Variants in AGMO observed in about 807,000 individuals in gnomAD.
The protein encoded by AGMO is alkylglycerol monooxygenase.
In AGMO, 75 loss-of-function variants were observed where a neutral mutation model predicts 60.2. The ratio of observed to expected loss-of-function variants is 1.25; its 90% CI spans 1.03 to 1.51. The LOEUF (loss-of-function observed/expected upper bound fraction) is 1.51. Ranked by LOEUF, AGMO falls within the 40% of genes most tolerant of loss-of-function variation. The pLI, the probability that AGMO is intolerant of heterozygous loss-of-function variation, is 0.00. For missense variants in AGMO, 763 were observed against 525.5 expected (o/e 1.45, Z -4.42); for synonymous variants, 261 against 177.1 (o/e 1.47, Z -3.76).
the AGMO span, among the ~76,000 whole-genome samples, chr7:15,118,868 A>G: frequency 7.6e-6 from 1 of 131,998 alleles, no homozygotes; most frequent in African/African-American, 2.8e-5. Context: ...TAATTCCCAG[A>G]CGTCAGTATT....
intron 12 of AGMO, among the ~76,000 whole-genome samples, chr7:15,354,796 C>G (rs1583448138): frequency 6.6e-6 from 1 of 151,164 alleles, no homozygotes; most frequent in Admixed American, 6.6e-5. Context: ...ACGTTTTACG[C>G]TATTCCCTGA....
At chr7:15,262,688 G>A (rs1195792593) in intron 12 of AGMO, among the ~76,000 whole-genome samples, 2 of 151,888 alleles carry the variant, frequency 1.3e-5, no homozygotes, top group East Asian at 1.9e-4. Context: ...AAATCTGGAG[G>A]CATCACTTTA....
At chr7:15,380,812 T>C (rs983212234) in intron 10 of AGMO, among the ~76,000 whole-genome samples, 2 of 152,148 alleles carry the variant, frequency 1.3e-5, no homozygotes. Context: ...CAAAGCAGCA[T>C]GGTACTGGCA....
chr7:15,388,710 T>C (rs1023037397), intron 8 of AGMO, among the ~76,000 whole-genome samples: 6 of 152,194 alleles, frequency 3.9e-5, no homozygotes, highest in African/African-American at 1.4e-4. Context: ...TTGGGAGCCA[T>C]CCTAAGTTGC....
intron 3 of AGMO, among the ~76,000 whole-genome samples, chr7:15,538,736 T>C (rs1425689019): frequency 3.3e-5 from 5 of 152,162 alleles, no homozygotes; most frequent in Non-Finnish European, 7.4e-5. Flanking sequence ...ATTTTCTTTT[T>C]TAAACTGTGA....
the AGMO span, among the ~76,000 whole-genome samples, chr7:15,157,029 C>T: frequency 1.3e-5 from 2 of 152,056 alleles, no homozygotes; most frequent in Non-Finnish European, 2.9e-5. Flanking sequence ...CAAATAGCAC[C>T]GTAGTTTATT....
At chr7:15,274,256 G>A (rs1783710385) in intron 12 of AGMO, among the ~76,000 whole-genome samples, 1 of 152,088 alleles carries the variant, frequency 6.6e-6, no homozygotes. Context: ...ATTGGCTGTG[G>A]ATTTGTCATA....
chr7:15,396,126 TTTGCATGCAA>T (rs1410160747), intron 5 of AGMO: 5 of 152,234 alleles, frequency 3.3e-5, no homozygotes, highest in African/African-American at 1.2e-4. Flanking sequence ...GACAGAAATA[TTTGCATGCAA>T]AAGACTGTAA....
intron 12 of AGMO, among the ~76,000 whole-genome samples, chr7:15,279,056 G>C (rs1783884885): frequency 6.6e-6 from 1 of 152,092 alleles, no homozygotes; most frequent in South Asian, 2.1e-4. Context: ...TAGGTTGCTT[G>C]GGGAACAAAA....
chr7:15,542,429 T>C (rs1784653412), intron 3 of AGMO, among the ~76,000 whole-genome samples: 1 of 152,222 alleles, frequency 6.6e-6, no homozygotes, highest in African/African-American at 2.4e-5. Flanking sequence ...TCTTCCCAAC[T>C]GAGAACACTT....
intron 3 of AGMO, among the ~76,000 whole-genome samples, chr7:15,481,158 A>G (rs1782739082): frequency 6.6e-6 from 1 of 152,174 alleles, no homozygotes. Context: ...TCAAAAATAA[A>G]TGGTGGCATA....
At chr7:15,337,838 G>C (rs1438969457) in intron 12 of AGMO, among the ~76,000 whole-genome samples, 1 of 152,140 alleles carries the variant, frequency 6.6e-6, no homozygotes, top group Admixed American at 6.6e-5. Context: ...GATATATTAG[G>C]CACCTGGGCT....
intron 12 of AGMO, among the ~76,000 whole-genome samples, chr7:15,347,510 T>C (rs1254325790): frequency 1.3e-5 from 2 of 152,042 alleles, no homozygotes; most frequent in African/African-American, 4.8e-5. Context: ...GTCTCCTCTA[T>C]ATGTCTATCC....
chr7:15,324,881 T>G (rs948718031), intron 12 of AGMO, among the ~76,000 whole-genome samples: 12 of 152,206 alleles, frequency 7.9e-5, no homozygotes, highest in African/African-American at 2.9e-4. Flanking sequence ...GCTGCTCACC[T>G]CCTGCTGTGT....
Position 15,498,087 on chromosome 7 carries a change from T to A in AGMO, c.409+46685A>T, listed in dbSNP as rs76884496. 4.8e-3 allele frequency among the ~76,000 whole-genome samples: 723 copies of A among 152,120 alleles called. 6 individuals carry two copies. Among genetic ancestry groups the A allele is most frequent in the African/African-American group, 0.017 (689 of 41,538 alleles). On this transcript the variant is annotated intron_variant, in intron 3 of 12. Coordinates refer to ENST00000342526, the MANE Select transcript of AGMO (RefSeq NM_001004320.2). ...ATTAGATCACAGGGATTAAACATAC[T>A]ATGTCAAAAGCTTATAACTTACAAT...
intron 12 of AGMO, among the ~76,000 whole-genome samples, chr7:15,234,468 G>C (rs934840297): frequency 6.6e-6 from 1 of 152,130 alleles, no homozygotes. Context: ...TTCAAGATAC[G>C]CTAAGAGAAC....
chr7:15,192,738 A>C, the AGMO span, among the ~76,000 whole-genome samples: 2 of 151,984 alleles, frequency 1.3e-5, no homozygotes, highest in Admixed American at 6.6e-5. Flanking sequence ...CAGCGCCCAA[A>C]AGTGCCCGCC....
At chr7:15,257,202 A>G (rs1367442887) in intron 12 of AGMO, among the ~76,000 whole-genome samples, 2 of 152,192 alleles carry the variant, frequency 1.3e-5, no homozygotes, top group African/African-American at 4.8e-5. Context: ...TGCATTATTT[A>G]CATAAACCAT....
chr7:15,521,929 G>A (rs1784001267), intron 3 of AGMO, among the ~76,000 whole-genome samples: 1 of 152,182 alleles, frequency 6.6e-6, no homozygotes, highest in African/African-American at 2.4e-5. Flanking sequence ...CAGATGATAT[G>A]ATTGTATATT....
Sources: gnomAD v4.1 joint callset for allele counts (sites outside exome capture counted in the v4.1 genomes callset) on GRCh38, gnomAD v4.1.1 for gene constraint, MANE v1.5 for transcripts, NCBI Gene and HGNC (gene_info 2026-07-23, HGNC 2026-07-21) for gene names.